The following PPM1F variants were observed in gnomAD, a reference collection of about 807,000 sequenced individuals.
PPM1F encodes the protein protein phosphatase, Mg2+/Mn2+ dependent 1F, also known as protein phosphatase 1F.
A neutral mutation model predicts 35.5 loss-of-function variants in PPM1F; 17 were observed. That is an observed-to-expected ratio of 0.48 (90% CI 0.33 to 0.72). The LOEUF (loss-of-function observed/expected upper bound fraction) is 0.72. Ranked by LOEUF, PPM1F falls within the 30% of genes least tolerant of loss-of-function variation. The pLI is 0.02. For missense variants in PPM1F, 521 were observed against 613.0 expected, an observed-to-expected ratio of 0.85 and a Z score of 1.59; for synonymous variants, 241 against 255.5, an observed-to-expected ratio of 0.94 and a Z score of 0.54.
At chr22:21,924,490 C>T (rs577813226) in intron 7 of PPM1F, among the ~76,000 whole-genome samples, 2 of 152,070 alleles carry the variant, frequency 1.3e-5, no homozygotes, top group East Asian at 1.9e-4. Flanking sequence ...AGGCTGGTCT[C>T]GAACTCCTGA....
chr22:21,925,645 A>C lies in PPM1F; in HGVS notation c.909T>G (p.Ile303Met). The C allele has an allele frequency of 6.3e-7, 1 of 1,593,890 alleles. No homozygotes were observed. Among genetic ancestry groups the C allele is most frequent in the Non-Finnish European group, 8.6e-7 (1 of 1,166,246 alleles). ...RPERQDEKAR[I>M]EALGGFVSHM... ...GAGACACAAAGCCACCCAATGCTTC[A>C]ATGCGCGCCTTCTCATCCTGCAGAA... is the stretch of plus-strand genomic sequence containing the variant. Residue 303 changes from isoleucine to methionine, a missense_variant, in exon 7 of 8, where the codon ATT becomes ATG. Physicochemically the swap from Ile to Met is conservative, Grantham distance 10. Coordinates refer to ENST00000263212, the MANE Select transcript of PPM1F (RefSeq NM_014634.4).
At chr22:21,924,268 C>CT (rs34519625) in intron 7 of PPM1F, among the ~76,000 whole-genome samples, 58,633 of 137,130 alleles carry the variant, frequency 0.43, 12,982 homozygotes, top group Middle Eastern at 0.5. Flanking sequence ...GCTGGACCCA[C>CT]TTTTTTTTTT....
intron 7 of PPM1F, chr22:21,925,251 G>A: frequency 2.4e-6 from 1 of 411,296 alleles, no homozygotes; most frequent in Non-Finnish European, 4.3e-6. Flanking sequence ...GCGGGAGGAG[G>A]ATAAACCTCA....
At chr22:21,925,821 G>A in intron 6 of PPM1F, 159 bp from the exon 7 acceptor site, 1 of 525,020 alleles carries the variant, frequency 1.9e-6, no homozygotes, top group Non-Finnish European at 3.3e-6. Context: ...ACCCAAACGA[G>A]GCTCATCAAA....
intron 7 of PPM1F, among the ~76,000 whole-genome samples, chr22:21,924,572 CT>C (rs767735875): frequency 2.0e-3 from 234 of 116,698 alleles, no homozygotes; most frequent in Admixed American, 2.8e-3. Context: ...CGCCCAGCTA[CT>C]TTTTTTTTTT....
chr22:21,936,888 C>A (rs2070665994), intron 3 of PPM1F: 1 of 152,258 alleles, frequency 6.6e-6, no homozygotes. Context: ...TAAGCCACTA[C>A]ATTTGGGGCA....
chr22:21,952,366 T>C (rs916931103), intron 1 of PPM1F: 2 of 150,802 alleles, frequency 1.3e-5, no homozygotes. Context: ...TGGGGGGATA[T>C]GGGGCAACGT....
intron 3 of PPM1F, chr22:21,938,363 T>C (rs1601787316): frequency 8.5e-7 from 1 of 1,181,872 alleles, no homozygotes; most frequent in East Asian, 6.6e-5. Context: ...TGGCCGCCTG[T>C]CACTGTGGAC....
At position 21,938,575 on chromosome 22, in the gene PPM1F, A is replaced by G. The variant is rs534075177; in HGVS notation, c.355+957T>C. ...ATGCACTAGTAATGCCGAATTTAGA[A>G]CAACAGGGAAAGGAAAGGAAATGGC... On this transcript the variant is annotated intron_variant, in intron 3 of 7. Transcript: ENST00000263212. 1.4e-3 allele frequency: 1,484 copies of G among 1,028,584 alleles called. 6 individuals are homozygous for G. Among genetic ancestry groups the G allele is most frequent in the South Asian group, 6.3e-3 (208 of 33,134 alleles). The allele number at this position is 1,028,584 out of a possible 1,614,324, so 63.7% of individuals were successfully genotyped here.
intron 2 of PPM1F, chr22:21,944,905 T>C (rs2070762001): frequency 6.6e-6 from 1 of 152,312 alleles, no homozygotes. Context: ...GTGCTACCTC[T>C]CTGTGCCTCA....
intron 2 of PPM1F, 28 bp downstream of exon 2, chr22:21,945,815 C>T (rs760921733): frequency 1.1e-5 from 18 of 1,600,208 alleles, no homozygotes; most frequent in South Asian, 7.7e-5. Flanking sequence ...CCTTACTCCC[C>T]GTCCCCTTTG....
chr22:21,948,649 C>A (rs919065692), intron 1 of PPM1F: 1 of 152,318 alleles, frequency 6.6e-6, no homozygotes, highest in African/African-American at 2.4e-5. Flanking sequence ...GAGCTGCCCC[C>A]AGCAACTGCC....
At position 21,919,654 on chromosome 22, in the gene PPM1F, T is replaced by C. The variant is rs1263424040; in HGVS notation, c.*3438A>G. On this transcript the variant is annotated 3_prime_UTR_variant, in exon 8 of 8. Transcript: ENST00000263212. ...CACCGGAATGGCAGAGCTCCGTGCA[T>C]TTGGCAAAGCTATGGAGCCTTGGCA... 4 of 151,590 alleles carry C rather than the reference T, an allele frequency of 2.6e-5. No individual in the cohort carries two copies. The highest frequency in any genetic ancestry group is 9.7e-5 in the African/African-American group (4 of 41,204). 9.4% of individuals were successfully genotyped at this position (151,590 alleles called of 1,614,324 possible).
Position 21,933,510 on chromosome 22 carries a change from C to G in PPM1F, c.628G>C (p.Ala210Pro). 1.2e-6 allele frequency: 2 copies of G among 1,613,674 alleles called. No homozygotes were observed. Among genetic ancestry groups the G allele is most frequent in the Non-Finnish European group, 1.7e-6 (2 of 1,179,998 alleles). The change falls in exon 5 of 8, where the codon GCT (alanine) becomes CCT (proline). Residue 210 changes from alanine (A) to proline (P), a missense_variant. Physicochemically the swap from Ala to Pro is conservative, Grantham distance 27 (BLOSUM62 -1). Around this residue, in one of 3 missense-constraint regions of PPM1F, gnomAD observed 311 missense variants for 351.5 expected, o/e 0.88. Coordinates refer to ENST00000263212, the MANE Select transcript of PPM1F (RefSeq NM_014634.4). ...GCAGCGTTGGTGTGCACGTGGACAGCGGCGTACCTCGCAGCATCCACGCCT... is the reference window on the plus strand; with the variant it reads ...GCAGCGTTGGTGTGCACGTGGACAGGGGCGTACCTCGCAGCATCCACGCCT... ...HGGVDAARYAAVHVHTNAARQ... is the reference protein window; with the variant it reads ...HGGVDAARYAPVHVHTNAARQ...
Position 21,923,087 on chromosome 22 carries a change from A to T in PPM1F, c.*5T>A. 1.3e-6 allele frequency: 2 copies of T among 1,590,918 alleles called. No homozygotes were observed. The highest frequency in any genetic ancestry group is 2.2e-5 in the South Asian group (2 of 88,916). ...GGAAGGGGAGGGCAGGGGCCTGGAA[A>T]CCACCTAGCTTCTTGGTGGAGCCTG... On this transcript the variant is annotated 3_prime_UTR_variant, in exon 8 of 8. Coordinates refer to ENST00000263212, the MANE Select transcript of PPM1F (RefSeq NM_014634.4).
chr22:21,945,826 G>C lies in PPM1F; in HGVS notation c.206+17C>G. 1.9e-6 allele frequency: 3 copies of C among 1,604,620 alleles called. No individual in the cohort carries two copies. The highest frequency in any genetic ancestry group is 2.5e-6 in the Non-Finnish European group (3 of 1,179,326). On this transcript the variant is annotated intron_variant, in intron 2 of 7. Coordinates refer to ENST00000263212, the MANE Select transcript of PPM1F (RefSeq NM_014634.4). The stretch of plus-strand genomic sequence containing the variant: ...GTGCCCTTACTCCCCGTCCCCTTTG[G>C]GGGTGCACAGGCCTACCTGCTGCCC...
rs191862149 is a variant in PPM1F, at chr22:21,929,141, A to C, written c.891+2007T>G. On this transcript the variant is annotated intron_variant, in intron 6 of 7. Transcript: ENST00000263212. ...GTTTCTTGCTCTTGTAACCGACATG[A>C]TGCTTGTTTTTGTGGGAGAACCTTG... Among the ~76,000 whole-genome samples the C allele has an allele frequency of 4.5e-3, 684 of 152,138 alleles. 11 individuals are homozygous for C. Among genetic ancestry groups the C allele is most frequent in the Non-Finnish European group, 4.1e-3 (279 of 68,006 alleles).
chr22:21,934,610 C>A, intron 3 of PPM1F: 1 of 177,708 alleles, frequency 5.6e-6, no homozygotes, highest in Non-Finnish European at 1.2e-5. Flanking sequence ...CTCGGCCAGG[C>A]GCAGTGGCTC....
intron 5 of PPM1F, 66 bp downstream of exon 5, chr22:21,933,325 C>T (rs1051837576): frequency 2.5e-5 from 37 of 1,461,392 alleles, no homozygotes; most frequent in African/African-American, 1.1e-4. Context: ...GCGTTTTTCC[C>T]GCTGCAGAGG....
Sources: allele counts gnomAD v4.1 joint callset (sites outside exome capture counted in the v4.1 genomes callset), GRCh38; gene constraint gnomAD v4.1.1; regional missense constraint gnomAD v4.1.1; transcripts MANE v1.5; gene names NCBI Gene and HGNC (gene_info 2026-07-23, HGNC 2026-07-21).